Variants in IQCH observed in about 807,000 individuals in gnomAD.
The protein encoded by IQCH is IQ motif containing H, also known as IQ domain-containing protein H.
A neutral mutation model predicts 117.0 loss-of-function variants in IQCH; 98 were observed. The observed-to-expected ratio is 0.84, with a 90% CI of 0.71 to 0.99. The LOEUF is 0.99. Among genes scored for constraint, IQCH ranks in the 50% least tolerant of loss-of-function variants. The probability of loss-of-function intolerance (pLI) is 0.00; values close to 1 mark genes in which losing one functional copy is unlikely to be tolerated. For missense variants in IQCH, 1,102 were observed against 1,243.8 expected, an observed-to-expected ratio of 0.89 and a Z score of 1.72; for synonymous variants, 412 against 448.2, an observed-to-expected ratio of 0.92 and a Z score of 1.02.
At chr15:67,375,235 G>A (rs1240293719) in intron 10 of IQCH, among the ~76,000 whole-genome samples, 6 of 152,116 alleles carry the variant, frequency 3.9e-5, no homozygotes. Flanking sequence ...TCAAGACTAG[G>A]CTGAACAACA....
intron 16 of IQCH, among the ~76,000 whole-genome samples, chr15:67,440,156 T>C (rs1232040268): frequency 6.6e-6 from 1 of 152,096 alleles, no homozygotes; most frequent in African/African-American, 2.4e-5. Context: ...ACAACCCTCC[T>C]AGCTTAAATC....
chr15:67,256,157 T>C (rs1965181900), intron 1 of IQCH, among the ~76,000 whole-genome samples: 1 of 152,136 alleles, frequency 6.6e-6, no homozygotes, highest in African/African-American at 2.4e-5. Context: ...AGTGAAGGCA[T>C]ACAAATTAAT....
rs554798516 is a variant in IQCH, at chr15:67,463,741, T to C, written c.2506-1386T>C. On this transcript the variant is annotated intron_variant, in intron 16 of 20. Transcript: ENST00000335894. The surrounding 1 kb of genome is among the most constrained non-coding windows in gnomAD (Gnocchi z 4.0). ...CATTAGACAAACCCAGTCTGTCCTT[T>C]CTTTCTGCTTCAGTAGTACTTTGTT... is the stretch of plus-strand genomic sequence containing the variant. Among the ~76,000 whole-genome samples the C allele has an allele frequency of 6.6e-6, 1 of 152,248 alleles. No individual in the cohort carries two copies. Among genetic ancestry groups the C allele is most frequent in the African/African-American group, 2.4e-5 (1 of 41,476 alleles).
rs1423087097 is a variant in IQCH at position 67,417,211 on chromosome 15, C to T, written c.2218+160C>T. Among the ~76,000 whole-genome samples, 1 of 152,156 alleles carries T rather than the reference C, an allele frequency of 6.6e-6. No individual in the cohort carries two copies. Among genetic ancestry groups the T allele is most frequent in the East Asian group, 1.9e-4 (1 of 5,194 alleles). On this transcript the variant is annotated intron_variant, in intron 15 of 20. Transcript: ENST00000335894. The surrounding 1 kb of genome is among the most constrained non-coding windows in gnomAD (Gnocchi z 4.3). ...TTTCAAATGTTGCCTAAATATTTAT[C>T]TTACACCCAGCCTCTTAAGTAAATA...
At position 67,463,474 on chromosome 15, in the gene IQCH, T is replaced by C. The variant is rs1347639032; in HGVS notation, c.2506-1653T>C. 6.6e-6 allele frequency among the ~76,000 whole-genome samples: 1 copy of C among 152,230 alleles called. No individual in the cohort carries two copies. The highest frequency in any genetic ancestry group is 2.4e-5 in the African/African-American group (1 of 41,460). On this transcript the variant is annotated intron_variant, in intron 16 of 20. Transcript: ENST00000335894. The surrounding 1 kb of genome is among the most constrained non-coding windows in gnomAD (Gnocchi z 4.0). ...GGAAGAAGGTAGACTTGGAGCCAGG[T>C]AGAATTGGATTCAGATCCCAACACC...
chr15:67,416,917 A>ATTTTTTT lies in IQCH; in HGVS notation c.2098-11_2098-10insTTTTTTT. The ATTTTTTT allele has an allele frequency of 6.4e-7, 1 of 1,570,708 alleles. No homozygotes were observed. The highest frequency in any genetic ancestry group is 8.6e-7 in the Non-Finnish European group (1 of 1,160,408). The stretch of plus-strand genomic sequence containing the variant: ...GTAAAATTGCTTGTGGTTCTATTTA[A>ATTTTTTT]TTTGTTTCTGCAGGAGCCAGCTTTG... On this transcript the variant is annotated splice_polypyrimidine_tract_variant and intron_variant, in intron 14 of 20. Transcript: ENST00000335894. This position sits in a 1 kb window ranked among gnomAD's most constrained non-coding sequence, Gnocchi z 5.1.
At chr15:67,377,873 C>T (rs1970792243) in intron 10 of IQCH, among the ~76,000 whole-genome samples, 2 of 151,964 alleles carry the variant, frequency 1.3e-5, no homozygotes, top group Admixed American at 1.3e-4. Flanking sequence ...CCATATTTTC[C>T]CTCTGTGCCC....
At chr15:67,352,036 C>G (rs1211134728) in intron 6 of IQCH, among the ~76,000 whole-genome samples, 1 of 151,994 alleles carries the variant, frequency 6.6e-6, no homozygotes, top group Non-Finnish European at 1.5e-5. Context: ...TGTTTTGTTG[C>G]TATTTCATTT....
At chr15:67,270,288 G>T (rs1006812321) in intron 3 of IQCH, among the ~76,000 whole-genome samples, 1 of 152,156 alleles carries the variant, frequency 6.6e-6, no homozygotes, top group African/African-American at 2.4e-5. Context: ...GGGCATCCTT[G>T]TCTTATTCCA....
At chr15:67,317,312 C>G (rs1045514887) in intron 4 of IQCH, among the ~76,000 whole-genome samples, 18 of 152,246 alleles carry the variant, frequency 1.2e-4, no homozygotes, top group Non-Finnish European at 2.2e-4. Context: ...AAGTGATTCT[C>G]CTGCCTCAGC....
At chr15:67,255,527 C>T (rs1294406437) in intron 1 of IQCH, among the ~76,000 whole-genome samples, 1 of 152,198 alleles carries the variant, frequency 6.6e-6, no homozygotes, top group Non-Finnish European at 1.5e-5. Flanking sequence ...CAATACAGCT[C>T]AATTTGTAAT....
rs544095219 is a variant in IQCH, at chr15:67,458,375, GA to G, written c.2506-6747del. On this transcript the variant is annotated intron_variant, in intron 16 of 20. Coordinates refer to ENST00000335894, the MANE Select transcript of IQCH (RefSeq NM_001031715.3). This position sits in a 1 kb window ranked among gnomAD's most constrained non-coding sequence, Gnocchi z 4.1. ...AATAAGTCCTTTTAGTTCTACTTTTGAAAAATATCTATAATACAACCACTTC... is the reference window on the plus strand; with the variant it reads ...AATAAGTCCTTTTAGTTCTACTTTTGAAAATATCTATAATACAACCACTTC... 1.4e-4 allele frequency among the ~76,000 whole-genome samples: 22 copies of G among 152,248 alleles called. No individual in the cohort carries two copies. In the East Asian group the frequency reaches 2.5e-3, roughly 17 times the overall value.
Position 67,261,370 on chromosome 15 carries a change from C to A in IQCH, c.150C>A (p.Ile50=). ...ACATTCAGAGTCTTGAAACAGCAAT[C>A]AAAAGGACTGAAGTGGGGTTAAGAG... ...TLDIQSLETA[I]KRTEVGLRIH... is the part of the protein sequence containing the mutation. The change falls in exon 2 of 21, where the codon ATC becomes ATA. Residue 50 remains isoleucine (I), a synonymous_variant. Coordinates refer to ENST00000335894, the MANE Select transcript of IQCH (RefSeq NM_001031715.3). 6.3e-7 allele frequency: 1 copy of A among 1,589,208 alleles called. No individual in the cohort carries two copies. The highest frequency in any genetic ancestry group is 1.2e-5 in the South Asian group (1 of 85,998).
At chr15:67,357,568 C>G (rs1969943771) in intron 7 of IQCH, 147 bp downstream of exon 7, 2 of 654,102 alleles carry the variant, frequency 3.1e-6, no homozygotes, top group Non-Finnish European at 5.6e-6. Flanking sequence ...ATTTGACTTT[C>G]AAAAGGGGAA....
chr15:67,449,467 T>C (rs2082467377), intron 16 of IQCH, among the ~76,000 whole-genome samples: 1 of 152,204 alleles, frequency 6.6e-6, no homozygotes, highest in Non-Finnish European at 1.5e-5. Context: ...CCCAGCACCA[T>C]TTATTAAATA....
intron 6 of IQCH, among the ~76,000 whole-genome samples, chr15:67,344,898 G>C (rs548720696): frequency 6.6e-6 from 1 of 152,312 alleles, no homozygotes; most frequent in African/African-American, 2.4e-5. Context: ...TCTAAGAATT[G>C]CAATTTAAAT....
chr15:67,403,291 T>A lies in IQCH; in HGVS notation c.2097+2986T>A, dbSNP rs1426730885. ...CATCTCTTTTTTCACCTATGTAATT[T>A]GGAACCAGAGTTATCTGGCTGGTTA... is the stretch of plus-strand genomic sequence containing the variant. On this transcript the variant is annotated intron_variant, in intron 14 of 20. Transcript: ENST00000335894. The surrounding 1 kb of genome is among the most constrained non-coding windows in gnomAD (Gnocchi z 4.8). Among the ~76,000 whole-genome samples the A allele has an allele frequency of 6.6e-6, 1 of 152,074 alleles. No individual in the cohort carries two copies. The highest frequency in any genetic ancestry group is 1.5e-5 in the Non-Finnish European group (1 of 67,990).
intron 1 of IQCH, among the ~76,000 whole-genome samples, chr15:67,260,825 T>C (rs907433752): frequency 1.3e-5 from 2 of 152,050 alleles, no homozygotes; most frequent in African/African-American, 4.8e-5. Context: ...AGGCCAGGCA[T>C]GGTGGCTCAT....
intron 10 of IQCH, among the ~76,000 whole-genome samples, chr15:67,379,504 G>T (rs1485215417): frequency 2.6e-5 from 4 of 152,192 alleles, no homozygotes; most frequent in Non-Finnish European, 5.9e-5. Flanking sequence ...TGGGTTCCCA[G>T]ATCACAATTT....
Sources: allele counts gnomAD v4.1 joint callset (sites outside exome capture counted in the v4.1 genomes callset), GRCh38; gene constraint gnomAD v4.1.1; non-coding constraint Gnocchi (gnomAD v3.1); transcripts MANE v1.5; gene names NCBI Gene and HGNC (gene_info 2026-07-23, HGNC 2026-07-21).